The following EP400 variants were observed in gnomAD, a reference collection of about 807,000 sequenced individuals.
EP400 encodes E1A binding protein p400, also known as E1A-binding protein p400.
Under a neutral mutation model 354.1 loss-of-function variants are expected in EP400, and 105 were observed. The observed-to-expected ratio is 0.30, with a 90% CI of 0.25 to 0.35. The LOEUF is 0.35. EP400 is among the 10% of genes least tolerant of loss of function. The pLI is 1.00. For synonymous variants in EP400, 1,646 were observed against 1,716.9 expected, an observed-to-expected ratio of 0.96 and a Z score of 1.02; for missense variants, 3,280 against 4,121.0, an observed-to-expected ratio of 0.80 and a Z score of 5.59.
intron 11 of EP400, among the ~76,000 whole-genome samples, chr12:131,993,490 A>T (rs539004043): frequency 3.3e-5 from 5 of 152,106 alleles, no homozygotes; most frequent in African/African-American, 1.2e-4. Context: ...TCTGGCCTGC[A>T]CTCTGGTAGC....
At chr12:132,035,672 G>C (rs1400987549) in intron 30 of EP400, among the ~76,000 whole-genome samples, 2 of 145,518 alleles carry the variant, frequency 1.4e-5, no homozygotes, top group Non-Finnish European at 3.0e-5. Flanking sequence ...ACACACCCAG[G>C]TTCACACAGA....
intron 12 of EP400, among the ~76,000 whole-genome samples, chr12:132,002,418 C>T (rs906004500): frequency 6.6e-6 from 1 of 152,066 alleles, no homozygotes; most frequent in African/African-American, 2.4e-5. Flanking sequence ...TTATGGTGCG[C>T]ATTCTTGACT....
intron 2 of EP400, among the ~76,000 whole-genome samples, chr12:131,978,838 T>C (rs1039362971): frequency 1.6e-4 from 25 of 152,208 alleles, no homozygotes; most frequent in Non-Finnish European, 5.9e-5. Flanking sequence ...TTAAACATTT[T>C]AAATAACATC....
In EP400 at chr12:132,054,840, G is replaced by C. The variant is rs999063969; in HGVS notation, c.7729-134G>C. The C allele has an allele frequency of 4.5e-6, 4 of 893,906 alleles. No homozygotes were observed. Among genetic ancestry groups the C allele is most frequent in the Non-Finnish European group, 7.3e-6 (4 of 546,218 alleles). 55.4% of individuals were successfully genotyped at this position (893,906 alleles called of 1,614,324 possible). A position where few individuals can be genotyped will look rare whatever the true frequency, so the allele number is the denominator to read the frequency against. ...GGGCACCGCCAGGTGGAATGAGCTG[G>C]GGAGGATGGGACAGGTGGCTGTGTG... On this transcript the variant is annotated intron_variant, in intron 43 of 52. Coordinates refer to ENST00000389561, the MANE Select transcript of EP400 (RefSeq NM_015409.5). This position sits in a 1 kb window ranked among gnomAD's most constrained non-coding sequence, Gnocchi z 4.0.
chr12:131,988,993 A>G (rs1423240189), intron 7 of EP400, among the ~76,000 whole-genome samples: 1 of 152,232 alleles, frequency 6.6e-6, no homozygotes, highest in Non-Finnish European at 1.5e-5. Context: ...CATTCCAGAA[A>G]AACCCAGATT....
At chr12:132,076,733 T>TA (rs1324974823) in intron 52 of EP400, 140 bp downstream of exon 52, 12 of 749,662 alleles carry the variant, frequency 1.6e-5, no homozygotes, top group Non-Finnish European at 2.6e-5. Context: ...AAAAACTAGA[T>TA]ACACTTAATA....
chr12:131,990,237 C>A lies in EP400; in HGVS notation c.2550+133C>A. 1.9e-6 allele frequency: 2 copies of A among 1,067,566 alleles called. No homozygotes were observed. Among genetic ancestry groups the A allele is most frequent in the Non-Finnish European group, 2.7e-6 (2 of 745,604 alleles). The allele number at this position is 1,067,566 out of a possible 1,614,324, so 66.1% of individuals were successfully genotyped here. The stretch of plus-strand genomic sequence containing the variant: ...CCAGAGTCAGCAACGTGTGCACTCT[C>A]CTGGGCTGTTGCTTGTTGGCCTTTG... On this transcript the variant is annotated intron_variant, in intron 8 of 52. Coordinates refer to ENST00000389561, the MANE Select transcript of EP400 (RefSeq NM_015409.5). The surrounding 1 kb of genome is among the most constrained non-coding windows in gnomAD (Gnocchi z 4.2).
intron 2 of EP400, among the ~76,000 whole-genome samples, chr12:131,964,329 T>G (rs1892002677): frequency 6.6e-6 from 1 of 152,124 alleles, no homozygotes; most frequent in Non-Finnish European, 1.5e-5. Flanking sequence ...TAGCTGGGCA[T>G]GGTGGTGCAT....
intron 45 of EP400, among the ~76,000 whole-genome samples, chr12:132,058,383 C>T (rs1473586120): frequency 7.3e-6 from 1 of 137,376 alleles, no homozygotes; most frequent in South Asian, 2.3e-4. Context: ...GAGACAGAGT[C>T]TCTCCCTGTC....
chr12:132,038,069 A>T lies in EP400; in HGVS notation c.6180A>T (p.Ala2060=). ...AACCTTCTGTCACGGAAACCATTGC[A>T]CCCAAAATTGCAAGACCTTTCATAG... The part of the protein sequence containing the change: ...SQEPSVTETI[A]PKIARPFIEA... Residue 2060 remains alanine (A), a synonymous_variant, in exon 32 of 53, where the codon GCA becomes GCT. Coordinates refer to ENST00000389561, the MANE Select transcript of EP400 (RefSeq NM_015409.5). This position sits in a 1 kb window ranked among gnomAD's most constrained non-coding sequence, Gnocchi z 4.2. The T allele has an allele frequency of 6.2e-7, 1 of 1,614,180 alleles. No homozygotes were observed. Among genetic ancestry groups the T allele is most frequent in the Non-Finnish European group, 8.5e-7 (1 of 1,180,026 alleles).
intron 23 of EP400, among the ~76,000 whole-genome samples, chr12:132,023,133 CTTTT>C (rs752551086): frequency 7.5e-6 from 1 of 134,004 alleles, no homozygotes. Context: ...TACATTTCTG[CTTTT>C]TTTTTTTTTT....
In EP400 at chr12:132,017,682, A is replaced by C. The variant is rs1163493620; in HGVS notation, c.4071A>C (p.Ala1357=). Residue 1357 remains alanine (A), a synonymous_variant, in exon 20 of 53, where the codon GCA becomes GCC. Transcript: ENST00000389561. This position sits in a 1 kb window ranked among gnomAD's most constrained non-coding sequence, Gnocchi z 5.0. The part of the protein sequence containing the change: ...YVAGPLEYPS[A]SLILKALERD... ...CGGGGCCACTGGAGTATCCGTCCGC[A>C]TCTCTAATCCTGAAGGCACTGGAGA... 6.4e-7 allele frequency: 1 copy of C among 1,569,152 alleles called. No individual in the cohort carries two copies. The highest frequency in any genetic ancestry group is 8.6e-7 in the Non-Finnish European group (1 of 1,156,812).
At chr12:132,035,400 G>A (rs1056239725) in intron 30 of EP400, among the ~76,000 whole-genome samples, 1 of 152,220 alleles carries the variant, frequency 6.6e-6, no homozygotes, top group African/African-American at 2.4e-5. Flanking sequence ...AGCTCATGTC[G>A]AGGGATTTCT....
Position 132,041,148 on chromosome 12 carries a change from C to T in EP400, c.6208-2156C>T, listed in dbSNP as rs76260993. Among the ~76,000 whole-genome samples the T allele has an allele frequency of 7.4e-3, 1,122 of 152,338 alleles. 35 individuals are homozygous for T. In the South Asian group the frequency reaches 0.093, roughly 13 times the overall value. On this transcript the variant is annotated intron_variant, in intron 32 of 52. Coordinates refer to ENST00000389561, the MANE Select transcript of EP400 (RefSeq NM_015409.5). ...CCTTTTGCCAGCGGAGACAGATCCA[C>T]GTTAGCGTGCTGTACTCGTACCTGC...
rs753571754 is a variant in EP400, at chr12:132,054,967, T to A, written c.7729-7T>A. 1.3e-5 allele frequency: 21 copies of A among 1,612,114 alleles called. No homozygotes were observed. Among genetic ancestry groups the A allele is most frequent in the Middle Eastern group, 1.7e-4 (1 of 6,044 alleles). The stretch of plus-strand genomic sequence containing the variant: ...GAAATTCAAATGGATTTTTTTTTTT[T>A]AAATAGGCAGGAACCATTAAAACAT... On this transcript the variant is annotated splice_region_variant and splice_polypyrimidine_tract_variant and intron_variant, in intron 43 of 52. Transcript: ENST00000389561. The surrounding 1 kb of genome is among the most constrained non-coding windows in gnomAD (Gnocchi z 4.0).
chr12:132,076,262 G>T (rs2136627194), intron 51 of EP400: 42 of 511,256 alleles, frequency 8.2e-5, no homozygotes, highest in East Asian at 1.2e-4. Flanking sequence ...GAAAAAATGT[G>T]TCTGAAATAT....
intron 24 of EP400, 124 bp downstream of exon 24, chr12:132,024,065 C>A: frequency 9.3e-7 from 1 of 1,075,266 alleles, no homozygotes; most frequent in Non-Finnish European, 1.3e-6. Context: ...TCCGATGATG[C>A]ATCTCACCTC....
intron 11 of EP400, among the ~76,000 whole-genome samples, chr12:131,993,656 TACTC>T (rs1409926542): frequency 6.6e-6 from 1 of 152,254 alleles, no homozygotes; most frequent in Non-Finnish European, 1.5e-5. Flanking sequence ...ACGTACAAAG[TACTC>T]ACCCAAACCT....
intron 34 of EP400, among the ~76,000 whole-genome samples, 154 bp from the exon 35 acceptor site, chr12:132,044,023 C>T (rs540305440): frequency 6.6e-6 from 1 of 152,210 alleles, no homozygotes; most frequent in Non-Finnish European, 1.5e-5. Flanking sequence ...ACTGGATTTG[C>T]AGCAGGCTGC....
Sources: allele counts gnomAD v4.1 joint callset (sites outside exome capture counted in the v4.1 genomes callset), GRCh38; gene constraint gnomAD v4.1.1; non-coding constraint Gnocchi (gnomAD v3.1); transcripts MANE v1.5; gene names NCBI Gene and HGNC (gene_info 2026-07-23, HGNC 2026-07-21).